Variants in BMPR1A observed in about 807,000 individuals in gnomAD.
The protein encoded by BMPR1A is bone morphogenetic protein receptor type 1A.
A neutral mutation model predicts 66.0 loss-of-function variants in BMPR1A; 7 were observed. That is an observed-to-expected ratio of 0.11 (90% CI 0.06 to 0.20). The LOEUF (loss-of-function observed/expected upper bound fraction) is 0.20, where lower values mean the gene tolerates loss of function less well. Among genes scored for constraint, BMPR1A ranks in the 10% least tolerant of loss-of-function variants. The probability of loss-of-function intolerance (pLI) is 1.00; values close to 1 mark genes in which losing one functional copy is unlikely to be tolerated. For missense variants in BMPR1A, 408 were observed against 669.1 expected, an observed-to-expected ratio of 0.61 and a Z score of 4.31; for synonymous variants, 200 against 229.7, an observed-to-expected ratio of 0.87 and a Z score of 1.17.
chr10:86,842,531 C>G (rs2133131167), intron 2 of BMPR1A, among the ~76,000 whole-genome samples: 1 of 152,118 alleles, frequency 6.6e-6, no homozygotes, highest in Non-Finnish European at 1.5e-5. Flanking sequence ...TTTTGAATGC[C>G]ATGGCAAGGA....
chr10:86,845,735 C>T (rs1359379154), intron 2 of BMPR1A, among the ~76,000 whole-genome samples: 2 of 152,170 alleles, frequency 1.3e-5, no homozygotes, highest in African/African-American at 4.8e-5. Flanking sequence ...CAGTGGCTCA[C>T]GCCTGTAATC....
At chr10:86,783,064 TC>T (rs1841460923) in intron 1 of BMPR1A, among the ~76,000 whole-genome samples, 1 of 152,232 alleles carries the variant, frequency 6.6e-6, no homozygotes. Flanking sequence ...AAGATAAGGA[TC>T]CATCTTCATT....
chr10:86,874,873 C>T (rs1842900488), intron 2 of BMPR1A, among the ~76,000 whole-genome samples: 1 of 151,166 alleles, frequency 6.6e-6, no homozygotes, highest in African/African-American at 2.4e-5. Flanking sequence ...TACAGGCACC[C>T]ACCACCATGC....
At chr10:86,786,120 A>G (rs1412329491) in intron 1 of BMPR1A, among the ~76,000 whole-genome samples, 3 of 152,108 alleles carry the variant, frequency 2.0e-5, no homozygotes, top group Admixed American at 6.5e-5. Context: ...ACATCCCTCA[A>G]TTATTACGGA....
chr10:86,813,996 G>T (rs954150161), intron 1 of BMPR1A, among the ~76,000 whole-genome samples: 1 of 152,104 alleles, frequency 6.6e-6, no homozygotes, highest in African/African-American at 2.4e-5. Flanking sequence ...GGTATAATAT[G>T]TTGCTTTGGA....
chr10:86,901,406 C>G (rs1163429718), intron 7 of BMPR1A, among the ~76,000 whole-genome samples: 3 of 152,218 alleles, frequency 2.0e-5, no homozygotes, highest in Non-Finnish European at 4.4e-5. Flanking sequence ...AAGCAGTCTT[C>G]TTGGTGTTAT....
At chr10:86,808,186 T>C (rs1173161729) in intron 1 of BMPR1A, among the ~76,000 whole-genome samples, 2 of 152,210 alleles carry the variant, frequency 1.3e-5, no homozygotes, top group African/African-American at 4.8e-5. Context: ...ATTATCAAAT[T>C]TTTAATCATG....
chr10:86,781,664 C>CT lies in BMPR1A; in HGVS notation c.-268+24746dup, dbSNP rs574332373. 1.0e-3 allele frequency among the ~76,000 whole-genome samples: 155 copies of CT among 152,140 alleles called. 1 individual carries two copies. The highest frequency in any genetic ancestry group is 3.5e-3 in the African/African-American group (146 of 41,508). ...ACTGAAACTCTGTACTTTAGAGCAA[C>CT]TCCCTATTTCCCTCTCCCTTCAGCT... On this transcript the variant is annotated intron_variant, in intron 1 of 12. Transcript: ENST00000372037.
chr10:86,861,242 G>A (rs982209384), intron 2 of BMPR1A, among the ~76,000 whole-genome samples: 2 of 152,254 alleles, frequency 1.3e-5, no homozygotes, highest in Admixed American at 1.3e-4. Flanking sequence ...TCCCAAGGCG[G>A]GGAACTCTTC....
At position 86,927,083 on chromosome 10, in the gene BMPR1A, G is replaced by GT. The variant is rs1483478623; in HGVS notation, c.*3370dup. On this transcript the variant is annotated 3_prime_UTR_variant, in exon 13 of 13. Transcript: ENST00000372037. Reference sequence around the variant, plus strand: ...TTCTAAACTTAGAAAGTGACCTATAGTTTTTTAAAATTATGTTTTCCTAGA... The same window carrying GT: ...TTCTAAACTTAGAAAGTGACCTATAGTTTTTTTAAAATTATGTTTTCCTAGA... 1 of 186,040 alleles carries GT rather than the reference G, an allele frequency of 5.4e-6. No individual in the cohort carries two copies. The highest frequency in any genetic ancestry group is 2.0e-4 in the South Asian group (1 of 5,118). The allele number at this position is 186,040 out of a possible 1,614,324, so 11.5% of individuals were successfully genotyped here. A position where few individuals can be genotyped will look rare whatever the true frequency, so the allele number is the denominator to read the frequency against.
chr10:86,847,653 C>A (rs72841892), intron 2 of BMPR1A, among the ~76,000 whole-genome samples: 1,636 of 151,770 alleles, frequency 0.011, 30 homozygotes, highest in Non-Finnish European at 0.012. Context: ...AGTTCGAGAC[C>A]CCATCTCTAT....
chr10:86,800,818 T>C (rs1408722891), intron 1 of BMPR1A, among the ~76,000 whole-genome samples: 1 of 152,234 alleles, frequency 6.6e-6, no homozygotes, highest in Non-Finnish European at 1.5e-5. Context: ...TAGCAATTAA[T>C]ATATGTGGAG....
chr10:86,769,822 A>T (rs369880303), intron 1 of BMPR1A, among the ~76,000 whole-genome samples: 46 of 152,344 alleles, frequency 3.0e-4, no homozygotes, highest in African/African-American at 1.1e-3. Flanking sequence ...ATTACGCAGC[A>T]GGCTGGTTTA....
At chr10:86,864,234 C>T (rs917254748) in intron 2 of BMPR1A, among the ~76,000 whole-genome samples, 2 of 152,158 alleles carry the variant, frequency 1.3e-5, no homozygotes, top group Non-Finnish European at 2.9e-5. Flanking sequence ...TTTCTTTATC[C>T]CCAAAATTCA....
At chr10:86,907,343 G>A (rs1190788012) in intron 7 of BMPR1A, among the ~76,000 whole-genome samples, 9 of 152,222 alleles carry the variant, frequency 5.9e-5, no homozygotes, top group Admixed American at 5.9e-4. Context: ...AAATGCTGGG[G>A]AGGGTATGGA....
chr10:86,903,460 G>A (rs1843340688), intron 7 of BMPR1A, among the ~76,000 whole-genome samples: 2 of 151,910 alleles, frequency 1.3e-5, no homozygotes, highest in African/African-American at 4.8e-5. Context: ...TGAAGACATA[G>A]GAATGAATAG....
intron 1 of BMPR1A, among the ~76,000 whole-genome samples, chr10:86,799,498 CTTCCTTCCTTTCTT>C (rs1297125354): frequency 5.2e-5 from 6 of 115,302 alleles, no homozygotes; most frequent in Middle Eastern, 4.0e-3. Flanking sequence ...TCCTTCCTTC[CTTCCTTCCTTTCTT>C]TTCTTTTCTT....
chr10:86,800,034 T>G (rs572361005), intron 1 of BMPR1A, among the ~76,000 whole-genome samples: 1 of 152,310 alleles, frequency 6.6e-6, no homozygotes, highest in South Asian at 2.1e-4. Context: ...CCATGATTCT[T>G]TAACATACAG....
intron 1 of BMPR1A, among the ~76,000 whole-genome samples, chr10:86,793,509 G>T (rs1729998326): frequency 6.6e-6 from 1 of 151,794 alleles, no homozygotes; most frequent in Non-Finnish European, 1.5e-5. Context: ...GATTACAGGT[G>T]CATGCCACCA....
Sources: gnomAD v4.1 joint callset for allele counts (sites outside exome capture counted in the v4.1 genomes callset) on GRCh38, gnomAD v4.1.1 for gene constraint, MANE v1.5 for transcripts, NCBI Gene and HGNC (gene_info 2026-07-23, HGNC 2026-07-21) for gene names.